The following TMEM164 variants were observed in gnomAD, a reference collection of about 807,000 sequenced individuals.
The protein encoded by TMEM164 is transmembrane protein 164.
Under a neutral mutation model 18.8 loss-of-function variants are expected in TMEM164, and 4 were observed. That is an observed-to-expected ratio of 0.21 (90% CI 0.10 to 0.49). The LOEUF (loss-of-function observed/expected upper bound fraction) is 0.49, where lower values mean the gene tolerates loss of function less well. Ranked by LOEUF, TMEM164 falls within the 20% of genes least tolerant of loss-of-function variation. TMEM164 has a pLI of 0.98. For synonymous variants in TMEM164, 86 were observed against 101.7 expected (o/e 0.85, Z 0.93); for missense variants, 108 against 239.9 (o/e 0.45, Z 3.63).
At chrX:110,148,728 G>A (rs1313823972) in intron 5 of TMEM164, among the ~76,000 whole-genome samples, 3 of 77,623 alleles carry the variant, frequency 3.9e-5, no homozygotes, top group African/African-American at 1.5e-4. Context: ...GTTTTGCCAT[G>A]TTGCTCAGGC....
At chrX:110,068,655 T>A (rs1199025257) in intron 3 of TMEM164, among the ~76,000 whole-genome samples, 2 of 112,087 alleles carry the variant, frequency 1.8e-5, no homozygotes, top group Non-Finnish European at 3.8e-5. Flanking sequence ...CTTGGTTTAT[T>A]GATACATTCA....
intron 3 of TMEM164, among the ~76,000 whole-genome samples, chrX:110,089,876 C>G (rs1400135064): frequency 8.9e-6 from 1 of 112,069 alleles, no homozygotes; most frequent in African/African-American, 3.2e-5. Flanking sequence ...ATGTAAATTT[C>G]TTAGCATGAA....
chrX:110,145,561 G>C (rs1485646440), intron 5 of TMEM164, among the ~76,000 whole-genome samples: 2 of 111,904 alleles, frequency 1.8e-5, no homozygotes, highest in African/African-American at 3.3e-5. Flanking sequence ...CTCCTTCTCA[G>C]TGTTCTTTAC....
chrX:110,155,243 C>T lies in TMEM164; in HGVS notation c.586+10367C>T, dbSNP rs190645013. Among the ~76,000 whole-genome samples the T allele has an allele frequency of 5.9e-4, 66 of 111,077 alleles. No individual in the cohort carries two copies. In the Admixed American group the frequency reaches 5.9e-3, roughly 10 times the overall value. ...TCCAGGGTACCTCTTTCTCCTGGTT[C>T]TCCTACTTCTCTGGTTCTTTCTCCT... On this transcript the variant is annotated intron_variant, in intron 5 of 6. Coordinates refer to ENST00000372068, the MANE Select transcript of TMEM164 (RefSeq NM_032227.4).
Position 110,172,588 on chromosome X carries a change from C to G in TMEM164, c.688-657C>G, listed in dbSNP as rs886599831. ...GTTCACACCCTTACCACTTGCTGCT[C>G]TCCACTGGGACCCAGATTCCAGAGG... is the stretch of plus-strand genomic sequence containing the variant. On this transcript the variant is annotated intron_variant, in intron 6 of 6. Coordinates refer to ENST00000372068, the MANE Select transcript of TMEM164 (RefSeq NM_032227.4). Among the ~76,000 whole-genome samples, 5 of 111,694 alleles carry G rather than the reference C, an allele frequency of 4.5e-5. No homozygotes were observed. The Admixed American group carries it at 4.7e-4, about 11-fold the overall frequency.
chrX:110,151,104 A>G (rs749459597), intron 5 of TMEM164, among the ~76,000 whole-genome samples: 6 of 112,220 alleles, frequency 5.3e-5, no homozygotes, highest in African/African-American at 1.9e-4. Context: ...TTACAACACT[A>G]TATCATAATT....
At chrX:110,121,548 C>T (rs2066450045) in intron 4 of TMEM164, among the ~76,000 whole-genome samples, 1 of 112,394 alleles carries the variant, frequency 8.9e-6, no homozygotes, top group African/African-American at 3.2e-5. Flanking sequence ...CTTTTTACGG[C>T]TGAATAATAT....
chrX:110,082,758 G>A (rs190720567), intron 3 of TMEM164, among the ~76,000 whole-genome samples: 4 of 110,531 alleles, frequency 3.6e-5, no homozygotes, highest in Non-Finnish European at 5.7e-5. Context: ...CTCACTGGTG[G>A]CTTCTCTTTT....
chrX:110,078,706 C>A (rs1180854928), intron 3 of TMEM164, among the ~76,000 whole-genome samples: 1 of 111,428 alleles, frequency 9.0e-6, no homozygotes, highest in Non-Finnish European at 1.9e-5. Context: ...GTAATTCCAG[C>A]TACTCAGGAG....
rs189375824 is a variant in TMEM164, at chrX:110,055,946, C to T, written c.391-11401C>T. Among the ~76,000 whole-genome samples, 5 of 110,877 alleles carry T rather than the reference C, an allele frequency of 4.5e-5. No individual in the cohort carries two copies. In the East Asian group the frequency reaches 1.1e-3, roughly 25 times the overall value. On this transcript the variant is annotated intron_variant, in intron 2 of 6. Transcript: ENST00000372068. ...TGCAGGAGGGGAGGGAGTTGAATGCCCAATTAAGGAATTTGGACTTTTATT... is the reference window on the plus strand; with the variant it reads ...TGCAGGAGGGGAGGGAGTTGAATGCTCAATTAAGGAATTTGGACTTTTATT...
chrX:110,133,478 G>A (rs2066641771), intron 4 of TMEM164, among the ~76,000 whole-genome samples: 1 of 111,910 alleles, frequency 8.9e-6, no homozygotes, highest in Non-Finnish European at 1.9e-5. Context: ...GAGGACACTG[G>A]TCATATTGGA....
At chrX:110,170,785 C>T (rs987053100) in intron 5 of TMEM164, among the ~76,000 whole-genome samples, 5 of 111,894 alleles carry the variant, frequency 4.5e-5, no homozygotes, top group African/African-American at 1.6e-4. Flanking sequence ...TGTACCAGAC[C>T]CTGAACTAAG....
intron 4 of TMEM164, 102 bp downstream of exon 4, chrX:110,109,248 T>G (rs2066257553): frequency 1.2e-6 from 1 of 806,178 alleles, no homozygotes; most frequent in Non-Finnish European, 1.8e-6. Flanking sequence ...CCAGGCGCGG[T>G]GGCTCACACC....
intron 2 of TMEM164, among the ~76,000 whole-genome samples, chrX:110,035,897 T>G (rs1482524550): frequency 9.0e-6 from 1 of 110,762 alleles, no homozygotes; most frequent in Non-Finnish European, 1.9e-5. Context: ...GGTATGGATG[T>G]TTTTAAGGAG....
chrX:110,071,690 G>A (rs1275318061), intron 3 of TMEM164, among the ~76,000 whole-genome samples: 1 of 66,331 alleles, frequency 1.5e-5, no homozygotes, highest in Non-Finnish European at 2.7e-5. Context: ...GACCAGCCTG[G>A]ACAACATACC....
At chrX:110,041,101 T>G (rs1406363339) in intron 2 of TMEM164, among the ~76,000 whole-genome samples, 2 of 112,250 alleles carry the variant, frequency 1.8e-5, no homozygotes, top group African/African-American at 3.2e-5. Context: ...TTAAATGAAT[T>G]ATCAGATCAG....
intron 2 of TMEM164, among the ~76,000 whole-genome samples, chrX:110,019,238 G>C (rs759515736): frequency 1.8e-5 from 2 of 111,266 alleles, no homozygotes; most frequent in African/African-American, 6.5e-5. Context: ...AATCCATCCA[G>C]TGACCCAGGT....
chrX:110,019,718 C>T (rs1025074697), intron 2 of TMEM164, among the ~76,000 whole-genome samples: 3 of 112,166 alleles, frequency 2.7e-5, no homozygotes, highest in African/African-American at 9.7e-5. Flanking sequence ...ATCTGTTTAG[C>T]ATAGCATTCT....
intron 5 of TMEM164, among the ~76,000 whole-genome samples, chrX:110,146,340 G>T (rs2066853935): frequency 8.9e-6 from 1 of 111,835 alleles, no homozygotes; most frequent in Non-Finnish European, 1.9e-5. Flanking sequence ...GGGTTAGACT[G>T]GTCTGACATG....
Sources: allele counts gnomAD v4.1 joint callset (sites outside exome capture counted in the v4.1 genomes callset), GRCh38; gene constraint gnomAD v4.1.1; transcripts MANE v1.5; gene names NCBI Gene and HGNC (gene_info 2026-07-23, HGNC 2026-07-21).